RGS12: variants seen among roughly 807,000 people sequenced by gnomAD.
RGS12 encodes regulator of G-protein signaling 12.
Under a neutral mutation model 120.1 loss-of-function variants are expected in RGS12, and 66 were observed. That is an observed-to-expected ratio of 0.55 (90% CI 0.45 to 0.67). The LOEUF is 0.67. Among genes scored for constraint, RGS12 ranks in the 30% least tolerant of loss-of-function variants. RGS12 has a pLI of 0.00. For synonymous variants in RGS12, 827 were observed against 804.7 expected, an observed-to-expected ratio of 1.03 and a Z score of -0.47; for missense variants, 1,859 against 1,957.7, an observed-to-expected ratio of 0.95 and a Z score of 0.95.
At chr4:3,302,617 C>T (rs1578677723) in intron 1 of RGS12, among the ~76,000 whole-genome samples, 1 of 152,188 alleles carries the variant, frequency 6.6e-6, no homozygotes, top group African/African-American at 2.4e-5. Flanking sequence ...TGTGTGTGTG[C>T]CCACAGCACC....
chr4:3,316,386 G>GA lies in RGS12; in HGVS notation c.222dup (p.Ala75SerfsTer4). ...TACTTGCTGTCAATGAAATCAACGTGAAAAAAGCATCTCATGAAGATGTAG... is the reference window on the plus strand; with the variant it reads ...TACTTGCTGTCAATGAAATCAACGTGAAAAAAAGCATCTCATGAAGATGTAG... On this transcript the variant is annotated frameshift_variant, in exon 2 of 18. Transcript: ENST00000336727. LOFTEE classifies it high-confidence loss of function. 1 of 1,613,848 alleles carries GA rather than the reference G, an allele frequency of 6.2e-7. No homozygotes were observed. The highest frequency in any genetic ancestry group is 8.5e-7 in the Non-Finnish European group (1 of 1,179,898).
intron 9 of RGS12, 131 bp from the exon 10 acceptor site, chr4:3,420,511 C>G: frequency 2.5e-6 from 2 of 805,426 alleles, no homozygotes; most frequent in Admixed American, 2.1e-5. Flanking sequence ...CAAAGTGATG[C>G]CTGGTGGGGG....
intron 3 of RGS12, among the ~76,000 whole-genome samples, chr4:3,379,881 G>T (rs1469607593): frequency 4.6e-5 from 7 of 152,104 alleles, no homozygotes; most frequent in Non-Finnish European, 1.0e-4. Flanking sequence ...AAACTGCATC[G>T]TTCCACCCCT....
In RGS12 at chr4:3,430,967, T is replaced by C; in HGVS notation, c.4114+12T>C. On this transcript the variant is annotated intron_variant, in intron 17 of 17. Transcript: ENST00000336727. ...ACCTTCCAGACCAGGTACCTCCAGG[T>C]TCTGATCCCTCCACCTTGGCCCCGT... 1.2e-6 allele frequency: 2 copies of C among 1,611,376 alleles called. No homozygotes were observed. The highest frequency in any genetic ancestry group is 1.7e-6 in the Non-Finnish European group (2 of 1,179,878).
chr4:3,392,798 G>T (rs1025657209), intron 4 of RGS12, among the ~76,000 whole-genome samples: 1 of 152,092 alleles, frequency 6.6e-6, no homozygotes, highest in Non-Finnish European at 1.5e-5. Context: ...AGACCACCCC[G>T]GCCAACATGG....
intron 3 of RGS12, among the ~76,000 whole-genome samples, chr4:3,348,771 C>G (rs1714079263): frequency 2.6e-5 from 4 of 152,156 alleles, no homozygotes; most frequent in Admixed American, 6.5e-5. Flanking sequence ...AGGAAAGAGT[C>G]CTTGCCCTAG....
At chr4:3,396,445 A>AT (rs1720056285) in intron 4 of RGS12, among the ~76,000 whole-genome samples, 1 of 152,106 alleles carries the variant, frequency 6.6e-6, no homozygotes, top group Non-Finnish European at 1.5e-5. Flanking sequence ...TGGAATTGGT[A>AT]TTTTTGTCTA....
chr4:3,328,711 A>T (rs1711518586), intron 2 of RGS12, among the ~76,000 whole-genome samples: 1 of 152,226 alleles, frequency 6.6e-6, no homozygotes, highest in African/African-American at 2.4e-5. Context: ...AGTAATGCAG[A>T]TGGTAGTGAG....
rs566822934 is a variant in RGS12, at chr4:3,363,093, GTGTA to G, written c.1998+20044_1998+20047del. Among the ~76,000 whole-genome samples the G allele has an allele frequency of 1.2e-3, 188 of 151,388 alleles. 1 individual carries two copies. Among genetic ancestry groups the G allele is most frequent in the Non-Finnish European group, 1.8e-3 (122 of 67,802 alleles). ...AGTGTGTGCGCATGTGTGAAGGCGT[GTGTA>G]TGTGAGTGTGTGTGTGAGAGTGCGC... On this transcript the variant is annotated intron_variant, in intron 3 of 17. Coordinates refer to ENST00000336727, the MANE Select transcript of RGS12 (RefSeq NM_001394154.1).
chr4:3,370,104 C>T, intron 3 of RGS12: 1 of 1,375,760 alleles, frequency 7.3e-7, no homozygotes, highest in Admixed American at 2.8e-5. Context: ...AGTCTGAAAC[C>T]CTGGCAAGCC....
At chr4:3,309,985 G>C (rs199972653) in intron 1 of RGS12, among the ~76,000 whole-genome samples, 1 of 114,494 alleles carries the variant, frequency 8.7e-6, no homozygotes, top group Non-Finnish European at 2.1e-5. Flanking sequence ...CCCGGGAATG[G>C]CAGGTGTCCG....
At chr4:3,367,512 C>G (rs1166756940) in intron 3 of RGS12, among the ~76,000 whole-genome samples, 1 of 152,278 alleles carries the variant, frequency 6.6e-6, no homozygotes. Context: ...TAAACACATC[C>G]ATCCAAACAA....
chr4:3,433,879 T>C lies in RGS12; in HGVS notation c.4114+2924T>C, dbSNP rs1448914805. Among the ~76,000 whole-genome samples the C allele has an allele frequency of 1.3e-5, 2 of 152,052 alleles. No homozygotes were observed. The highest frequency in any genetic ancestry group is 4.8e-5 in the African/African-American group (2 of 41,406). ...CCGGGAGGCATGTGGGTGGGTCTCC[T>C]TTCCCTTTGGCCACTTGCTGCCAGG... On this transcript the variant is annotated intron_variant, in intron 17 of 17. Coordinates refer to ENST00000336727, the MANE Select transcript of RGS12 (RefSeq NM_001394154.1). This position sits in a 1 kb window ranked among gnomAD's most constrained non-coding sequence, Gnocchi z 4.4.
chr4:3,387,535 C>T (rs554851147), intron 4 of RGS12, among the ~76,000 whole-genome samples: 3 of 152,288 alleles, frequency 2.0e-5, no homozygotes, highest in East Asian at 1.9e-4. Context: ...CACCTGAAGC[C>T]GAGACCAGAG....
rs747609086 is a variant in RGS12 at position 3,316,392 on chromosome 4, A to C, written c.222A>C (p.Lys74Asn). 9.3e-6 allele frequency: 15 copies of C among 1,613,836 alleles called. No individual in the cohort carries two copies. The African/African-American group carries it at 1.9e-4, about 20-fold the overall frequency. Residue 74 changes from lysine (K) to asparagine (N), a missense_variant, in exon 2 of 18, where the codon AAA becomes AAC. Lys to Asn is a moderately conservative substitution (Grantham distance 94, BLOSUM62 0). Transcript: ENST00000336727. ...ILAVNEINVK[K>N]ASHEDVVKLI... ...CTGTCAATGAAATCAACGTGAAAAAAGCATCTCATGAAGATGTAGTGAAAT... is the reference window on the plus strand; with the variant it reads ...CTGTCAATGAAATCAACGTGAAAAACGCATCTCATGAAGATGTAGTGAAAT...
At chr4:3,422,661 C>G (rs1399240849) in intron 11 of RGS12, 91 bp downstream of exon 11, 18 of 1,368,974 alleles carry the variant, frequency 1.3e-5, no homozygotes, top group Non-Finnish European at 1.8e-5. Context: ...CAGGCTGCCC[C>G]CTCCTGCGCT....
intron 3 of RGS12, among the ~76,000 whole-genome samples, chr4:3,362,013 C>A (rs1363700334): frequency 6.6e-6 from 1 of 152,202 alleles, no homozygotes; most frequent in Non-Finnish European, 1.5e-5. Flanking sequence ...GCGTGTAGCG[C>A]TCCCCCTCGT....
At chr4:3,381,482 A>T (rs1056723719) in intron 3 of RGS12, among the ~76,000 whole-genome samples, 2 of 152,214 alleles carry the variant, frequency 1.3e-5, no homozygotes, top group Non-Finnish European at 2.9e-5. Context: ...AAATGGGTTT[A>T]ATTGACTCAC....
intron 17 of RGS12, among the ~76,000 whole-genome samples, chr4:3,434,585 G>C (rs1466980948): frequency 6.6e-6 from 1 of 152,172 alleles, no homozygotes; most frequent in Non-Finnish European, 1.5e-5. Flanking sequence ...GCACTGCTGT[G>C]TCCCGCCTTT....
Sources: allele counts gnomAD v4.1 joint callset (sites outside exome capture counted in the v4.1 genomes callset), GRCh38; gene constraint gnomAD v4.1.1; non-coding constraint Gnocchi (gnomAD v3.1); transcripts MANE v1.5; gene names NCBI Gene and HGNC (gene_info 2026-07-23, HGNC 2026-07-21).